The following COL28A1 variants were observed in gnomAD, a reference collection of about 807,000 sequenced individuals.
COL28A1 encodes collagen type XXVIII alpha 1 chain, also known as collagen alpha-1(XXVIII) chain.
Under a neutral mutation model 150.2 loss-of-function variants are expected in COL28A1, and 161 were observed. The observed-to-expected ratio is 1.07, with a 90% CI of 0.94 to 1.22. COL28A1 has a LOEUF of 1.22. Ranked by LOEUF, COL28A1 falls within the 50% of genes most tolerant of loss-of-function variation. The pLI is 0.00. For synonymous variants in COL28A1, 552 were observed against 469.7 expected (o/e 1.18, Z -2.26); for missense variants, 1,617 against 1,388.3 (o/e 1.16, Z -2.62).
At chr7:7,493,372 T>C (rs1009382114) in intron 11 of COL28A1, among the ~76,000 whole-genome samples, 9 of 152,092 alleles carry the variant, frequency 5.9e-5, no homozygotes, top group Admixed American at 1.3e-4. Flanking sequence ...TACCTTGAAA[T>C]GTATGGATCA....
intron 15 of COL28A1, among the ~76,000 whole-genome samples, chr7:7,465,014 C>A (rs1033528806): frequency 6.6e-6 from 1 of 152,156 alleles, no homozygotes; most frequent in African/African-American, 2.4e-5. Context: ...AAAGATCATT[C>A]AAGGCTACTA....
chr7:7,538,267 C>T (rs1005794804), upstream of COL28A1, among the ~76,000 whole-genome samples: 1 of 152,164 alleles, frequency 6.6e-6, no homozygotes, highest in African/African-American at 2.4e-5. Flanking sequence ...ATTGGACTTA[C>T]ACCAGAACAA....
At chr7:7,439,034 G>A (rs1785554759) in intron 21 of COL28A1, among the ~76,000 whole-genome samples, 1 of 152,156 alleles carries the variant, frequency 6.6e-6, no homozygotes, top group African/African-American at 2.4e-5. Context: ...GTCTAAACAT[G>A]ACCCTCTAGG....
rs140099482 is a variant in COL28A1 at position 7,462,673 on chromosome 7, A to G, written c.1303-6561T>C. Among the ~76,000 whole-genome samples the G allele has an allele frequency of 4.9e-3, 744 of 152,312 alleles. 4 individuals are homozygous for G. The highest frequency in any genetic ancestry group is 0.017 in the African/African-American group (717 of 41,570). Reference sequence around the variant, plus strand: ...CAGGAGTTCACGACCAGCCTGACCAACATAGAGAAACCCCGTCTCTACTAA... The same window carrying G: ...CAGGAGTTCACGACCAGCCTGACCAGCATAGAGAAACCCCGTCTCTACTAA... On this transcript the variant is annotated intron_variant, in intron 15 of 34. Coordinates refer to ENST00000399429, the MANE Select transcript of COL28A1 (RefSeq NM_001037763.3).
upstream of COL28A1, among the ~76,000 whole-genome samples, chr7:7,539,272 A>G (rs188892781): frequency 2.6e-5 from 4 of 152,310 alleles, no homozygotes; most frequent in East Asian, 7.7e-4. Flanking sequence ...AGGGCCATTG[A>G]CTGCTTCTAC....
chr7:7,423,841 C>T (rs905565591), intron 25 of COL28A1, among the ~76,000 whole-genome samples: 8 of 152,138 alleles, frequency 5.3e-5, no homozygotes, highest in African/African-American at 9.7e-5. Context: ...CCCTTATTCA[C>T]GTCCCCCTAA....
chr7:7,441,416 G>T (rs929136336), intron 20 of COL28A1, among the ~76,000 whole-genome samples: 3 of 151,600 alleles, frequency 2.0e-5, no homozygotes, highest in Non-Finnish European at 4.4e-5. Context: ...CAGCAGGGTT[G>T]TGTAAAACAG....
chr7:7,499,497 G>A (rs1235702092), intron 11 of COL28A1, among the ~76,000 whole-genome samples: 1 of 152,094 alleles, frequency 6.6e-6, no homozygotes, highest in East Asian at 1.9e-4. Flanking sequence ...TTTTTTGTTT[G>A]ATTAATTATT....
At chr7:7,491,646 C>T (rs921436911) in intron 11 of COL28A1, among the ~76,000 whole-genome samples, 7 of 152,230 alleles carry the variant, frequency 4.6e-5, no homozygotes, top group African/African-American at 1.7e-4. Flanking sequence ...GTGACCATTG[C>T]ACTCAAACCC....
At chr7:7,485,216 CATAT>C (rs1372099644) in intron 13 of COL28A1, among the ~76,000 whole-genome samples, 1 of 152,012 alleles carries the variant, frequency 6.6e-6, no homozygotes, top group African/African-American at 2.4e-5. Context: ...TATATGTACA[CATAT>C]ATAGATATAT....
intron 13 of COL28A1, among the ~76,000 whole-genome samples, chr7:7,483,317 G>C (rs530211776): frequency 6.6e-6 from 1 of 152,236 alleles, no homozygotes; most frequent in African/African-American, 2.4e-5. Flanking sequence ...GGGTATAGTA[G>C]GATGTAACTC....
chr7:7,431,082 G>C (rs780049490), intron 25 of COL28A1: 35 of 152,764 alleles, frequency 2.3e-4, no homozygotes, highest in Non-Finnish European at 3.5e-4. Context: ...GGGCAAAGAG[G>C]CACTTCTAAA....
At chr7:7,403,711 G>A (rs889078200) in intron 27 of COL28A1, among the ~76,000 whole-genome samples, 10 of 152,258 alleles carry the variant, frequency 6.6e-5, no homozygotes, top group Middle Eastern at 3.4e-3. Context: ...CATTGTTCTT[G>A]CTAAATGCAT....
At chr7:7,534,942 T>C (rs1042819215) in intron 1 of COL28A1, among the ~76,000 whole-genome samples, 4 of 152,198 alleles carry the variant, frequency 2.6e-5, no homozygotes, top group Admixed American at 6.5e-5. Context: ...TTTCTCTAGC[T>C]TGTTAGTTCT....
At chr7:7,428,249 G>C (rs1162894210) in intron 25 of COL28A1, among the ~76,000 whole-genome samples, 1 of 152,168 alleles carries the variant, frequency 6.6e-6, no homozygotes, top group African/African-American at 2.4e-5. Context: ...ATCCAGGTTA[G>C]ATCTCCTCTG....
At chr7:7,484,744 T>C (rs1355062895) in intron 13 of COL28A1, among the ~76,000 whole-genome samples, 1 of 152,158 alleles carries the variant, frequency 6.6e-6, no homozygotes, top group African/African-American at 2.4e-5. Flanking sequence ...TGCCCATCAA[T>C]AGTAGACTGG....
intron 30 of COL28A1, 55 bp downstream of exon 30, chr7:7,380,605 T>C: frequency 6.8e-7 from 1 of 1,472,728 alleles, no homozygotes; most frequent in South Asian, 1.2e-5. Context: ...AAAGCATGAA[T>C]GCAACAATTT....
chr7:7,429,476 G>C (rs926919087), intron 25 of COL28A1, among the ~76,000 whole-genome samples: 5 of 140,470 alleles, frequency 3.6e-5, no homozygotes, highest in Admixed American at 3.4e-4. Context: ...GTGTGTGTGG[G>C]GGGGGGGATG....
chr7:7,498,525 T>C (rs969934162), intron 11 of COL28A1, among the ~76,000 whole-genome samples: 1 of 152,146 alleles, frequency 6.6e-6, no homozygotes, highest in Non-Finnish European at 1.5e-5. Flanking sequence ...AATGAAAAAC[T>C]TTTGGGTATA....
Sources: gnomAD v4.1 joint callset for allele counts (sites outside exome capture counted in the v4.1 genomes callset) on GRCh38, gnomAD v4.1.1 for gene constraint, MANE v1.5 for transcripts, NCBI Gene and HGNC (gene_info 2026-07-23, HGNC 2026-07-21) for gene names.